AKAP13: variants seen among roughly 807,000 people sequenced by gnomAD.
The protein encoded by AKAP13 is A-kinase anchor protein 13.
In AKAP13, 80 loss-of-function variants were observed where a neutral mutation model predicts 264.5. The observed-to-expected ratio is 0.30, with a 90% CI of 0.25 to 0.36. AKAP13 has a LOEUF of 0.36. Ranked by LOEUF, AKAP13 falls within the 10% of genes least tolerant of loss-of-function variation. AKAP13 has a pLI of 1.00. For missense variants in AKAP13, 3,712 were observed against 3,435.2 expected (o/e 1.08, Z -2.01); for synonymous variants, 1,380 against 1,250.2 (o/e 1.10, Z -2.19).
chr15:85,497,618 A>G (rs1003508023), intron 2 of AKAP13, among the ~76,000 whole-genome samples: 3 of 152,346 alleles, frequency 2.0e-5, no homozygotes, highest in South Asian at 2.1e-4. Context: ...TGCTCTGTTT[A>G]GTAATGTAGT....
Position 85,472,946 on chromosome 15 carries a change from C to T in AKAP13, c.-11-12764C>T, listed in dbSNP as rs541605176. Among the ~76,000 whole-genome samples the T allele has an allele frequency of 2.0e-5, 3 of 152,226 alleles. No individual in the cohort carries two copies. The South Asian group carries it at 6.2e-4, about 32-fold the overall frequency. ...ATATTTAATATATGTGACATATACA[C>T]AAGAATATAGCTAGAGAAACAGCTA... On this transcript the variant is annotated intron_variant, in intron 1 of 36. Coordinates refer to ENST00000394518, the MANE Select transcript of AKAP13 (RefSeq NM_007200.5).
Position 85,697,847 on chromosome 15 carries a change from T to G in AKAP13, c.5464+4396T>G, listed in dbSNP as rs1024201378. Among the ~76,000 whole-genome samples the G allele has an allele frequency of 1.1e-4, 17 of 152,332 alleles. No individual in the cohort carries two copies. The East Asian group carries it at 3.3e-3, about 29-fold the overall frequency. Reference sequence around the variant, plus strand: ...TCTTAATGACTTCACACTGGATTTGTTTTTTACATTTAATCATAAATAATT... The same window carrying G: ...TCTTAATGACTTCACACTGGATTTGGTTTTTACATTTAATCATAAATAATT... On this transcript the variant is annotated intron_variant, in intron 17 of 36. Transcript: ENST00000394518.
At chr15:85,741,697 T>TAAAAAAA (rs56782497) in intron 35 of AKAP13, among the ~76,000 whole-genome samples, 1 of 106,344 alleles carries the variant, frequency 9.4e-6, no homozygotes, top group African/African-American at 3.7e-5. Context: ...CTGTCTCTCC[T>TAAAAAAA]AAAAAAAAAA....
chr15:85,707,169 G>A (rs1051327179), intron 17 of AKAP13, among the ~76,000 whole-genome samples: 6 of 152,244 alleles, frequency 3.9e-5, no homozygotes, highest in Non-Finnish European at 4.4e-5. Context: ...TCTTTCATTT[G>A]TTTCTGCTTT....
chr15:85,626,439 G>A (rs191282646), intron 8 of AKAP13, among the ~76,000 whole-genome samples: 2 of 142,538 alleles, frequency 1.4e-5, no homozygotes, highest in East Asian at 2.1e-4. Flanking sequence ...GGCAACTACC[G>A]TTCTATTTTC....
At chr15:85,493,084 C>T (rs541693142) in intron 2 of AKAP13, among the ~76,000 whole-genome samples, 41 of 151,648 alleles carry the variant, frequency 2.7e-4, no homozygotes, top group East Asian at 2.3e-3. Flanking sequence ...TGAATATAGG[C>T]GAAAGGGCTA....
At chr15:85,507,275 A>G (rs533577775) in intron 2 of AKAP13, among the ~76,000 whole-genome samples, 13 of 152,170 alleles carry the variant, frequency 8.5e-5, no homozygotes, top group Non-Finnish European at 1.8e-4. Flanking sequence ...GGCAAGCTAC[A>G]GCCTGTGAAC....
At position 85,717,368 on chromosome 15, in the gene AKAP13, G is replaced by A. The variant is rs2087009614; in HGVS notation, c.5814G>A (p.Lys1938=). 2 of 1,613,188 alleles carry A rather than the reference G, an allele frequency of 1.2e-6. No homozygotes were observed. The highest frequency in any genetic ancestry group is 1.3e-5 in the African/African-American group (1 of 74,852). ...HSTDSLNKIS[K]VNESTESLTD... ...CAGACTCACTAAATAAAATCAGCAA[G>A]GTCAATGAGTCAACAGAATCACTTA... Residue 1938 remains lysine (K), a synonymous_variant, in exon 21 of 37, where the codon AAG becomes AAA. Transcript: ENST00000394518.
At chr15:85,454,418 G>A (rs986076812) in intron 1 of AKAP13, among the ~76,000 whole-genome samples, 3 of 152,076 alleles carry the variant, frequency 2.0e-5, no homozygotes, top group African/African-American at 2.4e-5. Flanking sequence ...CCTGAGTCGG[G>A]GAGGAACCCC....
intron 1 of AKAP13, among the ~76,000 whole-genome samples, chr15:85,398,439 AGT>A (rs1279506614): frequency 6.6e-6 from 1 of 152,096 alleles, no homozygotes; most frequent in Admixed American, 6.5e-5. Flanking sequence ...GTAGAGAGAG[AGT>A]GTGTGTATGT....
At chr15:85,593,531 A>AT (rs34359285) in intron 8 of AKAP13, among the ~76,000 whole-genome samples, 77,337 of 145,818 alleles carry the variant, frequency 0.53, 20,685 homozygotes, top group Middle Eastern at 0.66. Flanking sequence ...CCATGTGGGA[A>AT]TTTTTTTTTT....
intron 8 of AKAP13, among the ~76,000 whole-genome samples, chr15:85,602,152 C>T (rs1249735864): frequency 6.6e-6 from 1 of 151,856 alleles, no homozygotes; most frequent in Non-Finnish European, 1.5e-5. Flanking sequence ...TTCTTAAAAG[C>T]TACTTTCGGT....
chr15:85,705,524 C>T (rs948931552), intron 17 of AKAP13, among the ~76,000 whole-genome samples: 4 of 151,864 alleles, frequency 2.6e-5, no homozygotes, highest in Non-Finnish European at 4.4e-5. Flanking sequence ...TCACAAGATG[C>T]GATAAATGGA....
intron 5 of AKAP13, among the ~76,000 whole-genome samples, chr15:85,567,559 G>A (rs2078648952): frequency 6.6e-6 from 1 of 152,136 alleles, no homozygotes; most frequent in Admixed American, 6.6e-5. Flanking sequence ...GTGCTTTTGG[G>A]GAAGAGGGGC....
chr15:85,403,047 C>G (rs2071499145), intron 1 of AKAP13, among the ~76,000 whole-genome samples: 1 of 152,064 alleles, frequency 6.6e-6, no homozygotes, highest in Non-Finnish European at 1.5e-5. Flanking sequence ...AATAGTAGGG[C>G]AGAAATGATT....
chr15:85,399,511 AAAAAAAAAAAAT>A (rs1228761298), intron 1 of AKAP13, among the ~76,000 whole-genome samples: 1,135 of 76,420 alleles, frequency 0.015, 13 homozygotes, highest in Non-Finnish European at 0.028. Flanking sequence ...TCAAAAAAAA[AAAAAAAAAAAAT>A]AAAAAAATAA....
intron 8 of AKAP13, among the ~76,000 whole-genome samples, chr15:85,634,024 A>G (rs1013331523): frequency 2.0e-5 from 3 of 152,182 alleles, no homozygotes; most frequent in African/African-American, 4.8e-5. Flanking sequence ...AGTTCCATTC[A>G]GGATTACTTT....
chr15:85,504,595 G>A (rs1035042500), intron 2 of AKAP13, among the ~76,000 whole-genome samples: 2 of 146,492 alleles, frequency 1.4e-5, no homozygotes, highest in Admixed American at 1.4e-4. Context: ...GGGAGGCTGA[G>A]ACAGGAGGGT....
At chr15:85,438,822 A>G (rs566122548) in intron 1 of AKAP13, among the ~76,000 whole-genome samples, 19 of 151,946 alleles carry the variant, frequency 1.3e-4, no homozygotes, top group Admixed American at 9.2e-4. Context: ...TCAATTCAAG[A>G]TGGATTAAAG....
Sources: gnomAD v4.1 joint callset for allele counts (sites outside exome capture counted in the v4.1 genomes callset) on GRCh38, gnomAD v4.1.1 for gene constraint, MANE v1.5 for transcripts, NCBI Gene and HGNC (gene_info 2026-07-23, HGNC 2026-07-21) for gene names.